The following TASP1 variants were observed in gnomAD, a reference collection of about 807,000 sequenced individuals.
TASP1 encodes the protein taspase 1, also known as threonine aspartase 1.
TASP1 carries 16 observed loss-of-function variants against 56.6 expected under a neutral mutation model. The observed-to-expected ratio is 0.28, with a 90% CI of 0.19 to 0.43. The LOEUF is 0.43. Among genes scored for constraint, TASP1 ranks in the 20% least tolerant of loss-of-function variants. The pLI, the probability that TASP1 is intolerant of heterozygous loss-of-function variation, is 1.00. For missense variants in TASP1, 393 were observed against 511.6 expected, an observed-to-expected ratio of 0.77 and a Z score of 2.24; for synonymous variants, 179 against 184.2, an observed-to-expected ratio of 0.97 and a Z score of 0.23.
chr20:13,393,968 G>T (rs1047906900), intron 13 of TASP1, among the ~76,000 whole-genome samples: 3 of 152,120 alleles, frequency 2.0e-5, no homozygotes, highest in Non-Finnish European at 2.9e-5. Context: ...ATACTAGTTT[G>T]CCATAGTAAA....
At chr20:13,129,031 C>T in the TASP1 span, among the ~76,000 whole-genome samples, 19 of 152,020 alleles carry the variant, frequency 1.2e-4, no homozygotes, top group Admixed American at 1.1e-3. Context: ...TGTCCCCCAC[C>T]ATGCCTGGCT....
At chr20:13,505,486 A>C (rs2044096511) in intron 10 of TASP1, among the ~76,000 whole-genome samples, 1 of 152,134 alleles carries the variant, frequency 6.6e-6, no homozygotes. Context: ...GGATTTTCTC[A>C]AGTGCACACA....
intron 3 of TASP1, among the ~76,000 whole-genome samples, 172 bp downstream of exon 3, chr20:13,625,013 G>C (rs1412463801): frequency 6.6e-6 from 1 of 151,914 alleles, no homozygotes; most frequent in African/African-American, 2.4e-5. Flanking sequence ...GCAACATGTG[G>C]AGAAAAACAC....
chr20:13,465,182 A>C (rs1193141627), intron 11 of TASP1, among the ~76,000 whole-genome samples: 2 of 135,008 alleles, frequency 1.5e-5, no homozygotes, highest in African/African-American at 6.1e-5. Context: ...CTCTCCCAAA[A>C]AAAAAAAAAA....
the TASP1 span, among the ~76,000 whole-genome samples, chr20:13,343,768 C>G: frequency 2.0e-5 from 3 of 152,184 alleles, no homozygotes; most frequent in Non-Finnish European, 2.9e-5. Context: ...CAAGCATTGG[C>G]TGCGGGTCTC....
At chr20:13,492,425 G>C (rs2043567726) in intron 10 of TASP1, among the ~76,000 whole-genome samples, 1 of 152,132 alleles carries the variant, frequency 6.6e-6, no homozygotes, top group African/African-American at 2.4e-5. Context: ...CCTGTCAAAG[G>C]ATTTACTGCC....
the TASP1 span, among the ~76,000 whole-genome samples, chr20:13,159,821 C>CTG: frequency 6.6e-6 from 1 of 152,002 alleles, no homozygotes; most frequent in African/African-American, 2.4e-5. Flanking sequence ...GACTGACTGC[C>CTG]TGTTTATTTG....
At chr20:13,246,084 T>G in the TASP1 span, among the ~76,000 whole-genome samples, 187 of 152,156 alleles carry the variant, frequency 1.2e-3, 3 homozygotes, top group African/African-American at 4.4e-3. Context: ...CTGGCCAACA[T>G]GGTGAAACCC....
intron 13 of TASP1, chr20:13,392,959 A>G (rs1388973228): frequency 1.2e-5 from 7 of 603,420 alleles, no homozygotes; most frequent in Non-Finnish European, 2.2e-5. Flanking sequence ...TGAGTACATT[A>G]TGGAGCCCAC....
At chr20:13,307,291 T>C in the TASP1 span, among the ~76,000 whole-genome samples, 1 of 152,214 alleles carries the variant, frequency 6.6e-6, no homozygotes, top group African/African-American at 2.4e-5. Flanking sequence ...GAACATTTTA[T>C]GGAAGTAGTA....
chr20:13,222,032 A>G, the TASP1 span: 2 of 1,013,840 alleles, frequency 2.0e-6, no homozygotes, highest in Non-Finnish European at 1.3e-6. Context: ...CCTAAGAGCA[A>G]CTGTTTTGGC....
At chr20:13,276,532 G>C in the TASP1 span, among the ~76,000 whole-genome samples, 1 of 152,184 alleles carries the variant, frequency 6.6e-6, no homozygotes, top group Non-Finnish European at 1.5e-5. Flanking sequence ...TGAACTTGAG[G>C]CTTTTGAAAG....
At chr20:13,592,578 T>G (rs2047574137) in intron 4 of TASP1, among the ~76,000 whole-genome samples, 1 of 152,140 alleles carries the variant, frequency 6.6e-6, no homozygotes, top group Non-Finnish European at 1.5e-5. Flanking sequence ...TTGCTCATAT[T>G]AGTGATGTCT....
chr20:13,164,730 TA>T, the TASP1 span: 1 of 1,584,744 alleles, frequency 6.3e-7, no homozygotes, highest in Non-Finnish European at 8.6e-7. Context: ...CAATGATAGC[TA>T]TTGGAAAGCA....
At chr20:13,438,941 C>A (rs1295511818) in intron 11 of TASP1, among the ~76,000 whole-genome samples, 1 of 152,086 alleles carries the variant, frequency 6.6e-6, no homozygotes, top group Non-Finnish European at 1.5e-5. Context: ...AAATGCATAT[C>A]AAAACCACAA....
the TASP1 span, among the ~76,000 whole-genome samples, chr20:13,124,578 G>A: frequency 2.0e-5 from 3 of 152,102 alleles, no homozygotes; most frequent in Non-Finnish European, 2.9e-5. Context: ...CGGGTGAAAG[G>A]GGGGGATTCA....
At chr20:13,406,963 G>T (rs2041950299) in intron 13 of TASP1, among the ~76,000 whole-genome samples, 1 of 152,136 alleles carries the variant, frequency 6.6e-6, no homozygotes, top group Admixed American at 6.5e-5. Flanking sequence ...ACCGTGCCCG[G>T]CTATTTTGAG....
At chr20:13,322,833 C>G in the TASP1 span, among the ~76,000 whole-genome samples, 1 of 152,140 alleles carries the variant, frequency 6.6e-6, no homozygotes, top group East Asian at 1.9e-4. Flanking sequence ...GAAAACAGTC[C>G]TGGCAAAGCC....
chr20:13,267,553 C>A, the TASP1 span, among the ~76,000 whole-genome samples: 6 of 152,160 alleles, frequency 3.9e-5, no homozygotes, highest in African/African-American at 1.4e-4. Flanking sequence ...GCTTTACATG[C>A]AAAGTCCTCG....
Sources: allele counts gnomAD v4.1 joint callset (sites outside exome capture counted in the v4.1 genomes callset), GRCh38; gene constraint gnomAD v4.1.1; transcripts MANE v1.5; gene names NCBI Gene and HGNC (gene_info 2026-07-23, HGNC 2026-07-21).